HRNR: variants seen among roughly 807,000 people sequenced by gnomAD.
HRNR encodes filaggrin family member 3.
A neutral mutation model predicts 4.8 loss-of-function variants in HRNR; 7 were observed. The observed-to-expected ratio is 1.47, with a 90% CI of 0.83 to 2.75. The LOEUF is 2.75. HRNR is among the 30% of genes most tolerant of loss of function. HRNR has a pLI of 0.00. For synonymous variants in HRNR, 1,023 were observed against 1,242.7 expected (o/e 0.82, Z 3.72); for missense variants, 2,879 against 3,010.4 (o/e 0.96, Z 1.02).
chr1:152,223,399 C>T (rs1284796951), intron 1 of HRNR, 121 bp from the exon 2 acceptor site: 4 of 661,108 alleles, frequency 6.1e-6, no homozygotes, highest in Non-Finnish European at 9.7e-6. Context: ...TAAATTCATT[C>T]TGTTGTAATC....
Position 152,212,805 on chromosome 1 carries a change from T to C in HRNR, c.*271A>G, listed in dbSNP as rs1648436107. On this transcript the variant is annotated 3_prime_UTR_variant, in exon 3 of 3. Coordinates refer to ENST00000368801, the MANE Select transcript of HRNR (RefSeq NM_001009931.3). ...AAACCCAAAGCTCTTTAAAAGCTTT[T>C]CATTATTCCTCAAAGTTTAACCCTC... The C allele has an allele frequency of 2.0e-6, 1 of 508,172 alleles. No individual in the cohort carries two copies. Among genetic ancestry groups the C allele is most frequent in the Non-Finnish European group, 3.4e-6 (1 of 291,984 alleles). The allele number at this position is 508,172 out of a possible 1,614,324, so 31.5% of individuals were successfully genotyped here.
In HRNR at chr1:152,220,878, A is replaced by T. The variant is rs1648962437; in HGVS notation, c.751T>A (p.Ser251Thr). Reference sequence around the variant, plus strand: ...TGTCCGTAGCCAGAGGAGTGACCTGAGCCAGATCCATGCTGACTGTAACCA... The same window carrying T: ...TGTCCGTAGCCAGAGGAGTGACCTGTGCCAGATCCATGCTGACTGTAACCA... ...SSGYSQHGSG[S>T]GHSSGYGQHG... Residue 251 changes from serine to threonine, a missense_variant, in exon 3 of 3, where the codon TCA (serine) becomes ACA (threonine). Physicochemically the swap from Ser to Thr is moderately conservative, Grantham distance 58. This residue lies in a region of HRNR where 2,646 missense variants were observed against 1,377.7 expected (regional missense o/e 1.92). Transcript: ENST00000368801. 1 of 1,614,028 alleles carries T rather than the reference A, an allele frequency of 6.2e-7. No individual in the cohort carries two copies. The highest frequency in any genetic ancestry group is 8.5e-7 in the Non-Finnish European group (1 of 1,180,046).
chr1:152,223,541 T>C lies in HRNR; in HGVS notation c.-25-263A>G, dbSNP rs545525415. On this transcript the variant is annotated intron_variant, in intron 1 of 2. Coordinates refer to ENST00000368801, the MANE Select transcript of HRNR (RefSeq NM_001009931.3). Reference sequence around the variant, plus strand: ...GAAAAATGACTTTCTGTTTTTGGCTTCCTGCCATTACCAGGGATAATATTA... The same window carrying C: ...GAAAAATGACTTTCTGTTTTTGGCTCCCTGCCATTACCAGGGATAATATTA... Among the ~76,000 whole-genome samples, 639 of 152,360 alleles carry C rather than the reference T, an allele frequency of 4.2e-3. 2 individuals carry two copies. Among genetic ancestry groups the C allele is most frequent in the Non-Finnish European group, 7.0e-3 (477 of 68,032 alleles).
In HRNR at chr1:152,218,864, T is replaced by C; in HGVS notation, c.2765A>G (p.His922Arg). The stretch of plus-strand genomic sequence containing the variant: ...AGAAGACTGGCCTGAGCCAGACCCA[T>C]GTCGGCCACTGCTGGAAGACCGACC... ...GSGRSSSSGR[H>R]GSGSGQSSGF... Residue 922 changes from histidine (H) to arginine (R), a missense_variant, in exon 3 of 3, where the codon CAT becomes CGT. His to Arg is a conservative substitution (Grantham distance 29, BLOSUM62 0). Transcript: ENST00000368801. The C allele has an allele frequency of 6.2e-7, 1 of 1,613,716 alleles. No homozygotes were observed. The highest frequency in any genetic ancestry group is 8.5e-7 in the Non-Finnish European group (1 of 1,179,930).
rs369397205 is a variant in HRNR at position 152,219,859 on chromosome 1, G to A, written c.1770C>T (p.Arg590=). 3.7e-6 allele frequency: 6 copies of A among 1,613,822 alleles called. No individual in the cohort carries two copies. The highest frequency in any genetic ancestry group is 1.3e-5 in the African/African-American group (1 of 74,840). The change falls in exon 3 of 3, where the codon CGC becomes CGT. Residue 590 remains arginine (R), a synonymous_variant. Coordinates refer to ENST00000368801, the MANE Select transcript of HRNR (RefSeq NM_001009931.3). ...GACCGTAGCCAGAGGACTGTCCTGA[G>A]CGAGACTCTTGGTGACCTAAGCCAG... is the stretch of plus-strand genomic sequence containing the variant. ...HSSGLGHQES[R]SGQSSGYGQH...
chr1:152,218,729 G>T lies in HRNR; in HGVS notation c.2900C>A (p.Ser967Ter), dbSNP rs1648770683. 2 of 1,613,852 alleles carry T rather than the reference G, an allele frequency of 1.2e-6. No homozygotes were observed. Among genetic ancestry groups the T allele is most frequent in the Non-Finnish European group, 1.7e-6 (2 of 1,180,020 alleles). Residue 967 changes from serine (S) to a stop codon, truncating the protein, a stop_gained, in exon 3 of 3, where the codon TCA (serine) becomes TAA (stop). Transcript: ENST00000368801. LOFTEE classifies it low-confidence loss of function (END_TRUNC). ...AGATCCATGTTGTTCGCTCCTAGAT[G>T]ACTGTCCTGACCTAGAGCCGTGTTG... ...YEQHGSRSGQ[S>*]SRSEQHGSSS... is the part of the protein sequence containing the mutation.
At chr1:152,222,016 G>A (rs949922572) in intron 2 of HRNR, among the ~76,000 whole-genome samples, 1 of 152,164 alleles carries the variant, frequency 6.6e-6, no homozygotes, top group African/African-American at 2.4e-5. Flanking sequence ...TTGTGGTAAG[G>A]TTTCTACAAG....
Position 152,212,105 on chromosome 1 carries a change from T to C in HRNR, c.*971A>G, listed in dbSNP as rs1557838587. On this transcript the variant is annotated 3_prime_UTR_variant, in exon 3 of 3. Coordinates refer to ENST00000368801, the MANE Select transcript of HRNR (RefSeq NM_001009931.3). ...TTAATCAACATTTATTTATTGTCAA[T>C]TTTAATACAATCCGGTTGTTTGAAT... 1 of 152,236 alleles carries C rather than the reference T, an allele frequency of 6.6e-6. No homozygotes were observed. Among genetic ancestry groups the C allele is most frequent in the Non-Finnish European group, 1.5e-5 (1 of 68,036 alleles). The allele number at this position is 152,236 out of a possible 1,614,324, so 9.4% of individuals were successfully genotyped here.
Position 152,218,559 on chromosome 1 carries a change from A to G in HRNR, c.3070T>C (p.Tyr1024His). The change falls in exon 3 of 3, where the codon TAT (tyrosine) becomes CAT (histidine). Residue 1024 changes from tyrosine to histidine, a missense_variant. Tyr to His is a moderately conservative substitution (Grantham distance 83, BLOSUM62 2). Around this residue, in one of 8 missense-constraint regions of HRNR, gnomAD observed 2,646 missense variants for 1,377.7 expected, o/e 1.92. Coordinates refer to ENST00000368801, the MANE Select transcript of HRNR (RefSeq NM_001009931.3). ...HGSGSGQSSS[Y>H]GPYRSGSGWS... The stretch of plus-strand genomic sequence containing the variant: ...CCTGAGCCAGACCTATATGGGCCAT[A>G]GCTGGAAGACTGCCCGGAACCAGAC... 1 of 1,612,752 alleles carries G rather than the reference A, an allele frequency of 6.2e-7. No homozygotes were observed. The highest frequency in any genetic ancestry group is 8.5e-7 in the Non-Finnish European group (1 of 1,179,628).
At position 152,213,109 on chromosome 1, in the gene HRNR, A is replaced by C; in HGVS notation, c.8520T>G (p.Tyr2840Ter). The part of the protein sequence containing the change: ...SFPSSTSPYE[Y>*]VQEQRCYFYQ ...AAAAGTAGCACCTCTGCTCTTGGAC[A>C]TATTCATAGGGTGAAGTGCTACTAG... Residue 2840 changes from tyrosine (Y) to a stop codon, truncating the protein, a stop_gained, in exon 3 of 3, where the codon TAT becomes TAG. Coordinates refer to ENST00000368801, the MANE Select transcript of HRNR (RefSeq NM_001009931.3). LOFTEE classifies it low-confidence loss of function (END_TRUNC). The C allele has an allele frequency of 6.2e-7, 1 of 1,613,900 alleles. No individual in the cohort carries two copies. The highest frequency in any genetic ancestry group is 8.5e-7 in the Non-Finnish European group (1 of 1,179,952).
In HRNR at chr1:152,218,537, G is replaced by T; in HGVS notation, c.3092C>A (p.Ser1031Ter). The T allele has an allele frequency of 9.3e-6, 15 of 1,613,608 alleles. No individual in the cohort carries two copies. Among genetic ancestry groups the T allele is most frequent in the Non-Finnish European group, 1.3e-5 (15 of 1,179,930 alleles). Residue 1031 changes from serine (S) to a stop codon, truncating the protein, a stop_gained, in exon 3 of 3, where the codon TCA (serine) becomes TAA (stop). Transcript: ENST00000368801. LOFTEE classifies it low-confidence loss of function (END_TRUNC). ...SSSYGPYRSG[S>*]GWSSSRGPYE... ...TGGGCCACGGCTTGAAGACCACCCT[G>T]AGCCAGACCTATATGGGCCATAGCT...
rs1649063151 is a variant in HRNR at position 152,223,280 on chromosome 1, T to C, written c.-25-2A>G. 2 of 1,591,466 alleles carry C rather than the reference T, an allele frequency of 1.3e-6. No individual in the cohort carries two copies. The highest frequency in any genetic ancestry group is 1.7e-6 in the Non-Finnish European group (2 of 1,167,658). On this transcript the variant is annotated splice_acceptor_variant, in intron 1 of 2. Transcript: ENST00000368801. LOFTEE classifies it low-confidence loss of function (5UTR_SPLICE). ...TTTTTTTTTGCAAGTTTGAGTAACCTAAAGGGAGGAAAAAGAGAGACCAAC... is the reference window on the plus strand; with the variant it reads ...TTTTTTTTTGCAAGTTTGAGTAACCCAAAGGGAGGAAAAAGAGAGACCAAC...
At position 152,218,658 on chromosome 1, in the gene HRNR, G is replaced by C. The variant is rs373485996; in HGVS notation, c.2971C>G (p.Arg991Gly). The change falls in exon 3 of 3, where the codon CGT becomes GGT. Residue 991 changes from arginine (R) to glycine (G), a missense_variant. By Grantham distance (125) the Arg-to-Gly change is moderately radical (BLOSUM62 -2). Transcript: ENST00000368801. ...TGTTGGCCGTGGCCCAAAGACTGAC[G>C]GGAGCCAGACCCATGCTGACCATAG... is the stretch of plus-strand genomic sequence containing the variant. The part of the protein sequence containing the change: ...SSYGQHGSGS[R>G]QSLGHGQHGS... 1 of 1,610,024 alleles carries C rather than the reference G, an allele frequency of 6.2e-7. No individual in the cohort carries two copies. Among genetic ancestry groups the C allele is most frequent in the Non-Finnish European group, 8.5e-7 (1 of 1,178,848 alleles).
At chr1:152,223,368 T>A in intron 1 of HRNR, 90 bp from the exon 2 acceptor site, 1 of 703,814 alleles carries the variant, frequency 1.4e-6, no homozygotes, top group Non-Finnish European at 2.2e-6. Flanking sequence ...TAATAATTGT[T>A]CAGAATTAGT....
In HRNR at chr1:152,220,755, G is replaced by A; in HGVS notation, c.874C>T (p.Gln292Ter). 4.3e-6 allele frequency: 7 copies of A among 1,614,138 alleles called. No individual in the cohort carries two copies. The highest frequency in any genetic ancestry group is 5.9e-6 in the Non-Finnish European group (7 of 1,180,016). ...CCTTGTCGGCCGTGGCCCAAAGACT[G>A]ACGGGAACCAGACCCATGCTGACCA... Reference protein sequence around the residue: ...SYGQHGSGSRQSLGHGRQGSG... With the variant: ...SYGQHGSGSR The change falls in exon 3 of 3, where the codon CAG (glutamine) becomes TAG (stop). Residue 292 changes from glutamine (Q) to a stop codon, truncating the protein, a stop_gained. Transcript: ENST00000368801. LOFTEE classifies it low-confidence loss of function (END_TRUNC).
rs763271282 is a variant in HRNR at position 152,220,976 on chromosome 1, T to G, written c.653A>C (p.Asn218Thr). The G allele has an allele frequency of 3.7e-6, 6 of 1,614,066 alleles. No homozygotes were observed. The South Asian group carries it at 6.6e-5, about 18-fold the overall frequency. The change falls in exon 3 of 3, where the codon AAT becomes ACT. Residue 218 changes from asparagine to threonine, a missense_variant. Transcript: ENST00000368801. The stretch of plus-strand genomic sequence containing the variant: ...GCCTGAGCCAGACCCATGTGTGTCA[T>G]TGCTGGAAGACTGTCCGGAGCCAGA... ...HGSGSGQSSS[N>T]DTHGSGSGQS... is the part of the protein sequence containing the mutation.
In HRNR at chr1:152,223,258, T is replaced by C. The variant is rs771979619; in HGVS notation, c.-5A>G. 1.9e-6 allele frequency: 3 copies of C among 1,608,910 alleles called. No individual in the cohort carries two copies. The highest frequency in any genetic ancestry group is 2.5e-6 in the Non-Finnish European group (3 of 1,178,528). ...GCCTTGTAGGAGTTTAGGCATTTTTTTTTTTGCAAGTTTGAGTAACCTAAA... is the reference window on the plus strand; with the variant it reads ...GCCTTGTAGGAGTTTAGGCATTTTTCTTTTTGCAAGTTTGAGTAACCTAAA... On this transcript the variant is annotated 5_prime_UTR_variant, in exon 2 of 3. Coordinates refer to ENST00000368801, the MANE Select transcript of HRNR (RefSeq NM_001009931.3).
Position 152,218,847 on chromosome 1 carries a change from G to C in HRNR, c.2782C>G (p.Gln928Glu), listed in dbSNP as rs758028764. The change falls in exon 3 of 3, where the codon CAG (glutamine) becomes GAG (glutamate). Residue 928 changes from glutamine (Q) to glutamate (E), a missense_variant. Gln to Glu is a conservative substitution (Grantham distance 29, BLOSUM62 2). Transcript: ENST00000368801. The stretch of plus-strand genomic sequence containing the variant: ...GACTTGTGACCAAAGCCAGAAGACT[G>C]GCCTGAGCCAGACCCATGTCGGCCA... ...SSGRHGSGSG[Q>E]SSGFGHKSSS... 14 of 1,613,230 alleles carry C rather than the reference G, an allele frequency of 8.7e-6. No individual in the cohort carries two copies. Among genetic ancestry groups the C allele is most frequent in the Non-Finnish European group, 1.2e-5 (14 of 1,179,856 alleles).
Position 152,219,802 on chromosome 1 carries a change from G to C in HRNR, c.1827C>G (p.Thr609=). ...CTGATGTAGAACCATGTTGCCCATG[G>C]GTAGAGGAATGACCCGAGCTAGATC... ...QHGSSSGHSS[T]HGQHGSTSGQ... Residue 609 remains threonine, a synonymous_variant, in exon 3 of 3, where the codon ACC becomes ACG. Coordinates refer to ENST00000368801, the MANE Select transcript of HRNR (RefSeq NM_001009931.3). 6.2e-7 allele frequency: 1 copy of C among 1,612,276 alleles called. No individual in the cohort carries two copies. Among genetic ancestry groups the C allele is most frequent in the Non-Finnish European group, 8.5e-7 (1 of 1,178,762 alleles).
Sources: allele counts gnomAD v4.1 joint callset (sites outside exome capture counted in the v4.1 genomes callset), GRCh38; gene constraint gnomAD v4.1.1; regional missense constraint gnomAD v4.1.1; transcripts MANE v1.5; gene names NCBI Gene and HGNC (gene_info 2026-07-23, HGNC 2026-07-21).